Variants in CSMD3 observed in about 807,000 individuals in gnomAD.
CSMD3 encodes the protein CUB and Sushi multiple domains 3.
In CSMD3, 177 loss-of-function variants were observed where a neutral mutation model predicts 435.2. That is an observed-to-expected ratio of 0.41 (90% CI 0.36 to 0.46). The LOEUF (loss-of-function observed/expected upper bound fraction) is 0.46. CSMD3 is among the 20% of genes least tolerant of loss of function. The pLI is 0.34. For synonymous variants in CSMD3, 1,656 were observed against 1,520.5 expected, an observed-to-expected ratio of 1.09 and a Z score of -2.07; for missense variants, 4,265 against 4,504.6, an observed-to-expected ratio of 0.95 and a Z score of 1.52.
chr8:112,230,571 C>T (rs968321429), intron 69 of CSMD3, among the ~76,000 whole-genome samples: 1 of 152,090 alleles, frequency 6.6e-6, no homozygotes, highest in Non-Finnish European at 1.5e-5. Context: ...GGCGGATCAC[C>T]TGAGGTCAGG....
intron 12 of CSMD3, among the ~76,000 whole-genome samples, chr8:112,806,994 T>G (rs12334432): frequency 0.83 from 126,744 of 152,210 alleles, 53,043 homozygotes; most frequent in African/African-American, 0.91. Flanking sequence ...CCCTGTTGCC[T>G]CTGGCCAGAC....
At chr8:113,028,437 T>C (rs2086959319) in intron 5 of CSMD3, among the ~76,000 whole-genome samples, 2 of 151,464 alleles carry the variant, frequency 1.3e-5, no homozygotes, top group Admixed American at 1.3e-4. Flanking sequence ...GAGTCACATG[T>C]CTCTCACTTT....
intron 13 of CSMD3, among the ~76,000 whole-genome samples, chr8:112,758,458 A>C (rs973384610): frequency 6.6e-6 from 1 of 152,192 alleles, no homozygotes; most frequent in Non-Finnish European, 1.5e-5. Flanking sequence ...TATATTTCTA[A>C]TATAAATTAA....
At chr8:112,769,467 T>C (rs753190068) in intron 13 of CSMD3, among the ~76,000 whole-genome samples, 1 of 152,014 alleles carries the variant, frequency 6.6e-6, no homozygotes, top group Non-Finnish European at 1.5e-5. Flanking sequence ...CAGGGATATG[T>C]AAAAGGTAAT....
chr8:112,475,944 T>C (rs1413820863), intron 31 of CSMD3, among the ~76,000 whole-genome samples: 1 of 152,192 alleles, frequency 6.6e-6, no homozygotes, highest in Non-Finnish European at 1.5e-5. Context: ...GTTGTTTCTC[T>C]TAAAAGCCTA....
intron 23 of CSMD3, among the ~76,000 whole-genome samples, chr8:112,586,118 AG>A (rs1456858182): frequency 6.6e-6 from 1 of 151,680 alleles, no homozygotes; most frequent in African/African-American, 2.4e-5. Flanking sequence ...TGTGTTAGAG[AG>A]CCATCAATTA....
intron 1 of CSMD3, among the ~76,000 whole-genome samples, chr8:113,317,202 A>G (rs1486769270): frequency 1.3e-5 from 2 of 152,296 alleles, no homozygotes; most frequent in East Asian, 3.9e-4. Flanking sequence ...AATAAATAAA[A>G]GGTCTCTTTT....
chr8:112,725,652 A>G (rs1407147135), intron 13 of CSMD3, among the ~76,000 whole-genome samples: 1 of 151,832 alleles, frequency 6.6e-6, no homozygotes, highest in East Asian at 1.9e-4. Flanking sequence ...AACTGCTTTT[A>G]TTTGCTCTTA....
At chr8:112,573,273 A>C in intron 24 of CSMD3, among the ~76,000 whole-genome samples, 1 of 152,162 alleles carries the variant, frequency 6.6e-6, no homozygotes, top group East Asian at 1.9e-4. Context: ...GTCAAAAATT[A>C]CTTAACCTCT....
At chr8:112,390,508 C>T (rs991199518) in intron 36 of CSMD3, among the ~76,000 whole-genome samples, 156 bp downstream of exon 36, 33 of 152,070 alleles carry the variant, frequency 2.2e-4, no homozygotes, top group African/African-American at 7.7e-4. Context: ...GTTAATTCTA[C>T]GTGAAAAAAA....
At position 113,352,482 on chromosome 8, in the gene CSMD3, T is replaced by C. The variant is rs138438187; in HGVS notation, c.179-37689A>G. ...GCCTCCAGAACTGTGAGAATAAACT[T>C]CCAAAATTTTAAACCACCAAGTCTT... On this transcript the variant is annotated intron_variant, in intron 1 of 70. Transcript: ENST00000297405. Among the ~76,000 whole-genome samples the C allele has an allele frequency of 2.4e-3, 372 of 152,120 alleles. 1 individual carries two copies. The highest frequency in any genetic ancestry group is 8.7e-3 in the African/African-American group (361 of 41,498).
At chr8:112,542,129 T>C (rs1826722469) in intron 27 of CSMD3, among the ~76,000 whole-genome samples, 1 of 150,398 alleles carries the variant, frequency 6.6e-6, no homozygotes, top group Non-Finnish European at 1.5e-5. Context: ...CTCAATATAT[T>C]AGGAATAGAA....
chr8:113,255,578 C>T (rs929917105), intron 3 of CSMD3, among the ~76,000 whole-genome samples: 4 of 151,934 alleles, frequency 2.6e-5, no homozygotes, highest in African/African-American at 9.7e-5. Flanking sequence ...CCAACTAAAA[C>T]AATTATCCTC....
intron 2 of CSMD3, among the ~76,000 whole-genome samples, chr8:113,302,167 G>C (rs1299533619): frequency 6.8e-6 from 1 of 146,260 alleles, no homozygotes; most frequent in Non-Finnish European, 1.5e-5. Context: ...TCCTGTTTTT[G>C]ATCTTGAAAC....
chr8:112,964,756 C>T (rs542095247), intron 7 of CSMD3, among the ~76,000 whole-genome samples: 1 of 151,746 alleles, frequency 6.6e-6, no homozygotes, highest in South Asian at 2.1e-4. Context: ...GTTTCATTTG[C>T]TATTATGAGA....
At chr8:113,392,436 T>A (rs957815897) in intron 1 of CSMD3, among the ~76,000 whole-genome samples, 2 of 152,168 alleles carry the variant, frequency 1.3e-5, no homozygotes, top group Admixed American at 6.6e-5. Flanking sequence ...CTATGGGAGT[T>A]CTCTCTGATA....
chr8:112,864,722 A>G (rs2080927446), intron 10 of CSMD3, among the ~76,000 whole-genome samples: 1 of 152,194 alleles, frequency 6.6e-6, no homozygotes, highest in East Asian at 1.9e-4. Flanking sequence ...CATTAAATAA[A>G]ACTTGTAGAA....
In CSMD3 at chr8:113,272,088, T is replaced by C. The variant is rs184938643; in HGVS notation, c.514+6504A>G. Reference sequence around the variant, plus strand: ...TATTTTTTCAATACCTGTACCCCCATTGTATCTAGGAAATAACTAGCTTGC... The same window carrying C: ...TATTTTTTCAATACCTGTACCCCCACTGTATCTAGGAAATAACTAGCTTGC... On this transcript the variant is annotated intron_variant, in intron 3 of 70. Transcript: ENST00000297405. Among the ~76,000 whole-genome samples, 6 of 152,282 alleles carry C rather than the reference T, an allele frequency of 3.9e-5. 1 individual carries two copies. The highest frequency in any genetic ancestry group is 2.0e-4 in the Admixed American group (3 of 15,284).
At chr8:113,085,360 A>T (rs1188307906) in intron 5 of CSMD3, among the ~76,000 whole-genome samples, 1 of 152,178 alleles carries the variant, frequency 6.6e-6, no homozygotes, top group Non-Finnish European at 1.5e-5. Context: ...CCATTATAAA[A>T]AACGGTATGA....
Sources: gnomAD v4.1 joint callset for allele counts (sites outside exome capture counted in the v4.1 genomes callset) on GRCh38, gnomAD v4.1.1 for gene constraint, MANE v1.5 for transcripts, NCBI Gene and HGNC (gene_info 2026-07-23, HGNC 2026-07-21) for gene names.